PHACTR1: variants seen among roughly 807,000 people sequenced by gnomAD.
PHACTR1 encodes the protein phosphatase and actin regulator 1, also known as RPEL repeat containing 1.
In PHACTR1, 16 loss-of-function variants were observed where a neutral mutation model predicts 69.2. The ratio of observed to expected loss-of-function variants is 0.23; its 90% confidence interval spans 0.16 to 0.35. The LOEUF (loss-of-function observed/expected upper bound fraction) is 0.35. Among genes scored for constraint, PHACTR1 ranks in the 10% least tolerant of loss-of-function variants. PHACTR1 has a pLI of 1.00. For synonymous variants in PHACTR1, 312 were observed against 284.5 expected, an observed-to-expected ratio of 1.10 and a Z score of -0.97; for missense variants, 510 against 734.7, an observed-to-expected ratio of 0.69 and a Z score of 3.54.
At chr6:12,826,975 T>C (rs1202398850) in intron 4 of PHACTR1, among the ~76,000 whole-genome samples, 1 of 152,204 alleles carries the variant, frequency 6.6e-6, no homozygotes. Context: ...ATTTTATTTA[T>C]TCTGTGGGAT....
chr6:12,784,131 G>T (rs1771186632), intron 4 of PHACTR1, among the ~76,000 whole-genome samples: 2 of 151,460 alleles, frequency 1.3e-5, no homozygotes, highest in South Asian at 4.2e-4. Context: ...ATATACATAT[G>T]CACATATACA....
chr6:12,894,411 C>G lies in PHACTR1; in HGVS notation c.250+144621C>G, dbSNP rs1784447721. Among the ~76,000 whole-genome samples the G allele has an allele frequency of 3.3e-5, 5 of 152,172 alleles. No homozygotes were observed. In the South Asian group the frequency reaches 1.0e-3, roughly 32 times the overall value. ...CTTGAGGTCAGGAGTTCGAGACCAG[C>G]CTGGCCAACATGGCAATACCCCATC... On this transcript the variant is annotated intron_variant, in intron 4 of 14. Coordinates refer to ENST00000332995, the MANE Select transcript of PHACTR1 (RefSeq NM_030948.6).
chr6:13,180,047 C>T (rs1450858148), intron 6 of PHACTR1, among the ~76,000 whole-genome samples: 2 of 152,040 alleles, frequency 1.3e-5, no homozygotes, highest in African/African-American at 4.8e-5. Flanking sequence ...CAAATGGGAG[C>T]TAGCCAAGTA....
chr6:13,030,085 A>T (rs1561716777), intron 4 of PHACTR1, among the ~76,000 whole-genome samples: 1 of 152,232 alleles, frequency 6.6e-6, no homozygotes, highest in Non-Finnish European at 1.5e-5. Context: ...GCATATAGTA[A>T]GTGCTGAATA....
chr6:12,953,817 G>A (rs1791565044), intron 4 of PHACTR1, among the ~76,000 whole-genome samples: 1 of 152,316 alleles, frequency 6.6e-6, no homozygotes, highest in South Asian at 2.1e-4. Context: ...AGAAGGAGGA[G>A]TAGAAAGGAA....
chr6:13,198,580 G>A (rs903463147), intron 7 of PHACTR1, among the ~76,000 whole-genome samples: 1 of 151,306 alleles, frequency 6.6e-6, no homozygotes, highest in African/African-American at 2.4e-5. Flanking sequence ...ATTGTCTTGG[G>A]CTACACATAA....
chr6:13,127,524 C>T (rs1236262487), intron 5 of PHACTR1, among the ~76,000 whole-genome samples: 2 of 152,104 alleles, frequency 1.3e-5, no homozygotes, highest in African/African-American at 4.8e-5. Context: ...GAGCTATGGT[C>T]GTGCCACTGC....
chr6:12,778,350 G>C (rs1770358767), intron 4 of PHACTR1, among the ~76,000 whole-genome samples: 2 of 152,268 alleles, frequency 1.3e-5, no homozygotes, highest in African/African-American at 4.8e-5. Context: ...TTAAATTACT[G>C]CTTAAAATGT....
intron 3 of PHACTR1, among the ~76,000 whole-genome samples, chr6:12,723,066 T>C (rs1205388713): frequency 2.0e-5 from 3 of 152,224 alleles, no homozygotes; most frequent in African/African-American, 4.8e-5. Flanking sequence ...AGACATATTA[T>C]AAAATCACAA....
intron 4 of PHACTR1, among the ~76,000 whole-genome samples, chr6:12,776,114 T>A (rs1221604777): frequency 6.6e-6 from 1 of 152,212 alleles, no homozygotes; most frequent in African/African-American, 2.4e-5. Context: ...TTAAAACGCA[T>A]ATAATATTTA....
chr6:12,824,575 G>T (rs1776579076), intron 4 of PHACTR1, among the ~76,000 whole-genome samples: 1 of 152,154 alleles, frequency 6.6e-6, no homozygotes, highest in Non-Finnish European at 1.5e-5. Flanking sequence ...CTTTCTGAAA[G>T]AAGATGACTT....
Position 13,275,020 on chromosome 6 carries a change from T to A in PHACTR1, c.1447+2105T>A, listed in dbSNP as rs1367579117. 2 of 152,186 alleles carry A rather than the reference T, an allele frequency of 1.3e-5. No homozygotes were observed. Among genetic ancestry groups the A allele is most frequent in the African/African-American group, 4.8e-5 (2 of 41,460 alleles). The allele number at this position is 152,186 out of a possible 1,614,324, so 9.4% of individuals were successfully genotyped here. On this transcript the variant is annotated intron_variant, in intron 11 of 14. Transcript: ENST00000332995. The surrounding 1 kb of genome is among the most constrained non-coding windows in gnomAD (Gnocchi z 4.0). ...TTTTAAATTTAATCTATTGCGATTGTTAAACAAAAAAAATGTCTAGTGGTA... is the reference window on the plus strand; with the variant it reads ...TTTTAAATTTAATCTATTGCGATTGATAAACAAAAAAAATGTCTAGTGGTA...
chr6:13,168,605 G>T (rs1177433000), intron 6 of PHACTR1, among the ~76,000 whole-genome samples: 2 of 152,184 alleles, frequency 1.3e-5, no homozygotes, highest in Middle Eastern at 3.2e-3. Context: ...ATGGAGAAAG[G>T]ATAGTATTTT....
At chr6:13,076,162 A>C (rs1347690304) in intron 5 of PHACTR1, among the ~76,000 whole-genome samples, 4 of 152,136 alleles carry the variant, frequency 2.6e-5, no homozygotes, top group Admixed American at 2.6e-4. Flanking sequence ...AGGTACAAAA[A>C]ATAGAGAGCT....
chr6:12,732,642 C>A (rs1021362685), intron 3 of PHACTR1, among the ~76,000 whole-genome samples: 10 of 152,058 alleles, frequency 6.6e-5, no homozygotes, highest in East Asian at 3.9e-4. Context: ...CATGTCCCTG[C>A]AAAGGACATG....
intron 4 of PHACTR1, among the ~76,000 whole-genome samples, chr6:12,959,001 A>G (rs1160272003): frequency 6.6e-6 from 1 of 152,054 alleles, no homozygotes; most frequent in Non-Finnish European, 1.5e-5. Flanking sequence ...ACATGGTGAA[A>G]CCCTGTCTCT....
intron 4 of PHACTR1, among the ~76,000 whole-genome samples, chr6:12,995,300 A>T (rs1797295103): frequency 6.6e-6 from 1 of 152,032 alleles, no homozygotes; most frequent in Non-Finnish European, 1.5e-5. Flanking sequence ...AAGGAAAAGA[A>T]AGAATAGAAC....
At chr6:13,206,938 T>G (rs181049195) in intron 8 of PHACTR1, among the ~76,000 whole-genome samples, 35 of 152,264 alleles carry the variant, frequency 2.3e-4, no homozygotes, top group African/African-American at 6.7e-4. Context: ...CAGTTTGTTT[T>G]TTTTTTCTCA....
chr6:12,863,756 A>T (rs1781164634), intron 4 of PHACTR1, among the ~76,000 whole-genome samples: 1 of 152,216 alleles, frequency 6.6e-6, no homozygotes, highest in African/African-American at 2.4e-5. Context: ...TCTTCATAAA[A>T]TGTATTTGTT....
Sources: allele counts gnomAD v4.1 joint callset (sites outside exome capture counted in the v4.1 genomes callset), GRCh38; gene constraint gnomAD v4.1.1; non-coding constraint Gnocchi (gnomAD v3.1); transcripts MANE v1.5; gene names NCBI Gene and HGNC (gene_info 2026-07-23, HGNC 2026-07-21).